The following B9D1 variants were observed in gnomAD, a reference collection of about 807,000 sequenced individuals.
B9D1 encodes B9 domain containing 1, also known as B9 domain-containing protein 1.
B9D1 carries 20 observed loss-of-function variants against 26.1 expected under a neutral mutation model. That is an observed-to-expected ratio of 0.77 (90% CI 0.54 to 1.12). The LOEUF (loss-of-function observed/expected upper bound fraction) is 1.12. Ranked by LOEUF, B9D1 falls within the 50% of genes most tolerant of loss-of-function variation. B9D1 has a pLI of 0.00. For synonymous variants in B9D1, 105 were observed against 103.1 expected (o/e 1.02, Z -0.11); for missense variants, 260 against 273.7 (o/e 0.95, Z 0.35).
At chr17:19,361,048 C>G (rs149794594) in intron 1 of B9D1, among the ~76,000 whole-genome samples, 2 of 152,118 alleles carry the variant, frequency 1.3e-5, no homozygotes, top group East Asian at 3.9e-4. Context: ...CATAGGAGCA[C>G]GAACCCTACT....
chr17:19,377,037 C>T (rs1598107169), intron 1 of B9D1, among the ~76,000 whole-genome samples: 1 of 152,258 alleles, frequency 6.6e-6, no homozygotes, highest in South Asian at 2.1e-4. Context: ...GACAAATGGC[C>T]AATAAGCACA....
rs1908281984 is a variant in B9D1 at position 19,343,683 on chromosome 17, C to T, written c.472+107G>A. Reference sequence around the variant, plus strand: ...ATCTGGGAACATTTGTGGGCTAGCTCCTATGTGCCTGGCAGGTCCCCGGCA... The same window carrying T: ...ATCTGGGAACATTTGTGGGCTAGCTTCTATGTGCCTGGCAGGTCCCCGGCA... On this transcript the variant is annotated intron_variant, in intron 6 of 6. Transcript: ENST00000261499. The T allele has an allele frequency of 6.2e-7, 1 of 1,610,664 alleles. No homozygotes were observed.
At chr17:19,344,525 G>A (rs1908467996) in intron 5 of B9D1, 1 of 272,798 alleles carries the variant, frequency 3.7e-6, no homozygotes, top group South Asian at 2.9e-5. Context: ...ACACCCACGC[G>A]AGCCGGAAAC....
chr17:19,339,065 A>G (rs1028645425), downstream of B9D1, among the ~76,000 whole-genome samples: 1 of 150,216 alleles, frequency 6.7e-6, no homozygotes, highest in Non-Finnish European at 1.5e-5. Context: ...TCATGATGGG[A>G]GAGCCACCCC....
chr17:19,347,235 C>T lies in B9D1; in HGVS notation c.404+34G>A. On this transcript the variant is annotated intron_variant, in intron 5 of 6. Coordinates refer to ENST00000261499, the MANE Select transcript of B9D1 (RefSeq NM_015681.6). This position sits in a 1 kb window ranked among gnomAD's most constrained non-coding sequence, Gnocchi z 4.3. ...TGGGACATCCATTCATCCAGTAGAT[C>T]AGGAGGGGCTGGGGTTATGGGTACA... 6.2e-7 allele frequency: 1 copy of T among 1,614,178 alleles called. No individual in the cohort carries two copies. Among genetic ancestry groups the T allele is most frequent in the Non-Finnish European group, 8.5e-7 (1 of 1,180,026 alleles).
chr17:19,377,885 A>G (rs949521962), exon 1 of B9D1: 19 of 985,310 alleles, frequency 1.9e-5, no homozygotes, highest in East Asian at 1.1e-4. Context: ...CGCGAGCTGC[A>G]GTCCAACTTG....
chr17:19,342,981 T>G (rs755101191), downstream of B9D1: 35 of 774,570 alleles, frequency 4.5e-5, no homozygotes, highest in Non-Finnish European at 4.2e-5. Context: ...CAGCTTTGAG[T>G]GGCAGAACCT....
chr17:19,356,529 A>T (rs1910381606), intron 3 of B9D1, among the ~76,000 whole-genome samples: 1 of 152,168 alleles, frequency 6.6e-6, no homozygotes, highest in East Asian at 1.9e-4. Flanking sequence ...TCTCTCCCTT[A>T]TTCCTAGGGC....
At chr17:19,340,966 T>G, downstream of B9D1, 1 of 299,572 alleles carries the variant, frequency 3.3e-6, no homozygotes, top group Non-Finnish European at 5.6e-6. Context: ...TAGGATGGAT[T>G]GAAGCAGGGA....
chr17:19,346,577 A>G (rs1026222976), intron 5 of B9D1, among the ~76,000 whole-genome samples: 2 of 152,158 alleles, frequency 1.3e-5, no homozygotes, highest in African/African-American at 4.8e-5. Flanking sequence ...TGGCCCTCTA[A>G]GCTCCCACTT....
At chr17:19,343,653 C>T in intron 6 of B9D1, 137 bp downstream of exon 6, 1 of 1,595,060 alleles carries the variant, frequency 6.3e-7, no homozygotes, top group Non-Finnish European at 8.5e-7. Context: ...TCCAACCAGG[C>T]CCTCATCTGG....
In B9D1 at chr17:19,343,331, G is replaced by T. The variant is rs547869203; in HGVS notation, c.603C>A (p.Ser201Arg). The change falls in exon 7 of 7, where the codon AGC becomes AGA. Residue 201 changes from serine (S) to arginine (R), a missense_variant. Transcript: ENST00000261499. ...QGVLGPSPPQ[S>R]FPQ Reference sequence around the variant, plus strand: ...GCCTGTGGAGCCTTCACTGGGGGAAGCTCTGGGGTGGGCTGGGCCCCAACA... The same window carrying T: ...GCCTGTGGAGCCTTCACTGGGGGAATCTCTGGGGTGGGCTGGGCCCCAACA... 3.3e-5 allele frequency: 54 copies of T among 1,614,190 alleles called. No homozygotes were observed. In the East Asian group the frequency reaches 8.7e-4, roughly 26 times the overall value.
chr17:19,377,182 C>T (rs1912170989), intron 1 of B9D1, among the ~76,000 whole-genome samples: 1 of 152,226 alleles, frequency 6.6e-6, no homozygotes, highest in Non-Finnish European at 1.5e-5. Flanking sequence ...ATGTCCTTAA[C>T]ATTGGCAAAA....
At chr17:19,343,761 T>C (rs1908299011) in intron 6 of B9D1, 29 bp downstream of exon 6, 2 of 1,613,014 alleles carry the variant, frequency 1.2e-6, no homozygotes, top group Non-Finnish European at 1.7e-6. Context: ...GTATGGGGGA[T>C]GGGGGTAAGA....
rs946749635 is a variant in B9D1 at position 19,359,158 on chromosome 17, G to A, written c.132+1162C>T. ...CTGCCTGCTCTTGCCCTTTCCCCCC[G>A]AGTCTATCCTTGTCGTAGAAGCCAG... On this transcript the variant is annotated intron_variant, in intron 2 of 6. Coordinates refer to ENST00000261499, the MANE Select transcript of B9D1 (RefSeq NM_015681.6). This position sits in a 1 kb window ranked among gnomAD's most constrained non-coding sequence, Gnocchi z 5.0. Among the ~76,000 whole-genome samples the A allele has an allele frequency of 1.5e-4, 23 of 152,124 alleles. No individual in the cohort carries two copies. Among genetic ancestry groups the A allele is most frequent in the African/African-American group, 5.1e-4 (21 of 41,514 alleles).
Position 19,370,281 on chromosome 17 carries a change from G to A in B9D1, c.-298+7578C>T, listed in dbSNP as rs928686096. The stretch of plus-strand genomic sequence containing the variant: ...CAGAGTGGCTTCTCAGGGTGCACAC[G>A]GGGGAGATGTCGTAGGACAACTGGG... On this transcript the variant is annotated intron_variant, in intron 1 of 5. Transcript: ENST00000477478. The surrounding 1 kb of genome is among the most constrained non-coding windows in gnomAD (Gnocchi z 5.1). 6.6e-5 allele frequency among the ~76,000 whole-genome samples: 10 copies of A among 152,208 alleles called. No homozygotes were observed. The highest frequency in any genetic ancestry group is 1.2e-4 in the Non-Finnish European group (8 of 68,040).
At chr17:19,366,203 G>A (rs1199270567), upstream of B9D1, among the ~76,000 whole-genome samples, 2 of 151,934 alleles carry the variant, frequency 1.3e-5, no homozygotes, top group African/African-American at 4.8e-5. Context: ...CTTGAGGACA[G>A]CCCTCCATCT....
chr17:19,341,870 AAG>A (rs1046540487), downstream of B9D1, among the ~76,000 whole-genome samples: 19 of 152,102 alleles, frequency 1.2e-4, no homozygotes, highest in East Asian at 1.5e-3. Flanking sequence ...AAAGCAAGGA[AAG>A]AGGGGCTGAT....
chr17:19,360,618 T>C (rs920940678), intron 1 of B9D1, among the ~76,000 whole-genome samples: 1 of 152,070 alleles, frequency 6.6e-6, no homozygotes, highest in African/African-American at 2.4e-5. Context: ...CCTTGTCTGA[T>C]TTGTCCTTCC....
Sources: allele counts gnomAD v4.1 joint callset (sites outside exome capture counted in the v4.1 genomes callset), GRCh38; gene constraint gnomAD v4.1.1; non-coding constraint Gnocchi (gnomAD v3.1); transcripts MANE v1.5; gene names NCBI Gene and HGNC (gene_info 2026-07-23, HGNC 2026-07-21).